Variants in GAS2 observed in about 807,000 individuals in gnomAD.
The protein encoded by GAS2 is growth arrest-specific protein 2.
GAS2 carries 20 observed loss-of-function variants against 37.5 expected under a neutral mutation model. The observed-to-expected ratio is 0.53, with a 90% CI of 0.37 to 0.77. The LOEUF (loss-of-function observed/expected upper bound fraction) is 0.77, where lower values mean the gene tolerates loss of function less well. Ranked by LOEUF, GAS2 falls within the 30% of genes least tolerant of loss-of-function variation. The pLI is 0.00. For missense variants in GAS2, 336 were observed against 373.4 expected (o/e 0.90, Z 0.82); for synonymous variants, 144 against 132.2 (o/e 1.09, Z -0.61).
chr11:22,760,331 A>G (rs1293328577), intron 7 of GAS2, among the ~76,000 whole-genome samples: 1 of 152,084 alleles, frequency 6.6e-6, no homozygotes, highest in Non-Finnish European at 1.5e-5. Flanking sequence ...CATCAGCATC[A>G]TTTGGAAACT....
At chr11:22,735,967 C>A (rs1203310818) in intron 4 of GAS2, among the ~76,000 whole-genome samples, 1 of 146,322 alleles carries the variant, frequency 6.8e-6, no homozygotes. Context: ...TTCTCCCACT[C>A]AAAACTCCTT....
chr11:22,709,148 A>G (rs440991), intron 3 of GAS2, among the ~76,000 whole-genome samples: 27,622 of 151,954 alleles, frequency 0.18, 2,713 homozygotes, highest in East Asian at 0.37. Flanking sequence ...CAAATTTTCC[A>G]TTTGAAAACC....
chr11:22,749,613 A>G (rs928405394), intron 6 of GAS2, among the ~76,000 whole-genome samples: 3 of 152,072 alleles, frequency 2.0e-5, no homozygotes, highest in African/African-American at 7.2e-5. Context: ...GAGGATTGTT[A>G]AAGAAGGGAA....
At chr11:22,718,212 C>G (rs1249029049) in intron 3 of GAS2, among the ~76,000 whole-genome samples, 1 of 151,698 alleles carries the variant, frequency 6.6e-6, no homozygotes, top group African/African-American at 2.4e-5. Context: ...AAATATGGAA[C>G]CAGCCTAAAT....
intron 7 of GAS2, among the ~76,000 whole-genome samples, chr11:22,779,387 T>A (rs1300404757): frequency 6.6e-6 from 1 of 152,176 alleles, no homozygotes; most frequent in Non-Finnish European, 1.5e-5. Flanking sequence ...TTGTTTCTTG[T>A]TCAAGGGCCT....
chr11:22,736,575 C>T (rs759361237), intron 4 of GAS2, among the ~76,000 whole-genome samples: 24 of 151,984 alleles, frequency 1.6e-4, no homozygotes, highest in Admixed American at 1.0e-3. Flanking sequence ...TACACACACC[C>T]AGCAAATTCC....
At chr11:22,699,602 G>A (rs1218951408) in intron 3 of GAS2, among the ~76,000 whole-genome samples, 2 of 152,000 alleles carry the variant, frequency 1.3e-5, no homozygotes, top group Non-Finnish European at 1.5e-5. Flanking sequence ...TTTTAGAGAG[G>A]GCAGCTGAAC....
upstream of GAS2, among the ~76,000 whole-genome samples, chr11:22,665,339 T>G (rs1036321733): frequency 1.3e-5 from 2 of 152,186 alleles, no homozygotes; most frequent in African/African-American, 2.4e-5. Flanking sequence ...GAACATTTGA[T>G]TTTTTACTAA....
At chr11:22,775,379 T>C (rs112905715) in intron 7 of GAS2, among the ~76,000 whole-genome samples, 9 of 152,182 alleles carry the variant, frequency 5.9e-5, no homozygotes, top group African/African-American at 1.4e-4. Context: ...TGTGTGAGGC[T>C]ATCTTGTGTC....
chr11:22,744,569 T>C (rs1308644349), intron 5 of GAS2, among the ~76,000 whole-genome samples: 3 of 151,974 alleles, frequency 2.0e-5, no homozygotes, highest in South Asian at 2.1e-4. Flanking sequence ...CTGATAGATA[T>C]TGAAAAAACT....
At chr11:22,783,611 C>A (rs1217488130) in intron 7 of GAS2, among the ~76,000 whole-genome samples, 1 of 152,134 alleles carries the variant, frequency 6.6e-6, no homozygotes, top group Non-Finnish European at 1.5e-5. Context: ...TGTACAACTG[C>A]ATAGGGCCTC....
intron 7 of GAS2, among the ~76,000 whole-genome samples, chr11:22,807,717 C>T (rs1856965066): frequency 6.6e-6 from 1 of 152,124 alleles, no homozygotes; most frequent in Admixed American, 6.5e-5. Flanking sequence ...GGAGATCAGT[C>T]CCAAATCCAT....
rs572382302 is a variant in GAS2, at chr11:22,656,563, T to G, written c.-20-18287T>G. On this transcript the variant is annotated intron_variant, in intron 1 of 5. Coordinates refer to the GAS2 transcript ENST00000528582. Reference sequence around the variant, plus strand: ...AGAATTACTGGAGCTTAAGAAAAACTTAAAAGCATCTAGAAGTAAACAGTT... The same window carrying G: ...AGAATTACTGGAGCTTAAGAAAAACGTAAAAGCATCTAGAAGTAAACAGTT... Among the ~76,000 whole-genome samples the G allele has an allele frequency of 3.3e-5, 5 of 152,300 alleles. No individual in the cohort carries two copies. In the South Asian group the frequency reaches 1.0e-3, roughly 32 times the overall value.
rs193136527 is a variant in GAS2 at position 22,780,591 on chromosome 11, T to G, written c.723+24638T>G. Reference sequence around the variant, plus strand: ...AAAAAAAAAAAGATTGTAAGATTTTTCTATTAGTAGCAGAAACCAATCAAG... The same window carrying G: ...AAAAAAAAAAAGATTGTAAGATTTTGCTATTAGTAGCAGAAACCAATCAAG... On this transcript the variant is annotated intron_variant, in intron 7 of 7. Transcript: ENST00000454584. 5.7e-3 allele frequency among the ~76,000 whole-genome samples: 865 copies of G among 151,592 alleles called. 22 individuals carry two copies. Among genetic ancestry groups the G allele is most frequent in the Admixed American group, 0.05 (760 of 15,178 alleles).
chr11:22,706,456 G>T (rs1384830976), intron 3 of GAS2, among the ~76,000 whole-genome samples: 1 of 152,020 alleles, frequency 6.6e-6, no homozygotes, highest in African/African-American at 2.4e-5. Context: ...CTAGCATTAG[G>T]TATATCTCCC....
intron 5 of GAS2, among the ~76,000 whole-genome samples, chr11:22,746,261 T>C (rs888472668): frequency 6.6e-6 from 1 of 152,158 alleles, no homozygotes; most frequent in Non-Finnish European, 1.5e-5. Flanking sequence ...TATACACTGT[T>C]GGTGGGAATG....
At chr11:22,699,642 T>C (rs115842970) in intron 3 of GAS2, among the ~76,000 whole-genome samples, 16 of 152,262 alleles carry the variant, frequency 1.1e-4, no homozygotes, top group African/African-American at 3.6e-4. Context: ...TACTCAGTAG[T>C]CATACTACCT....
At chr11:22,805,516 C>T (rs190403696) in intron 7 of GAS2, among the ~76,000 whole-genome samples, 1 of 152,190 alleles carries the variant, frequency 6.6e-6, no homozygotes, top group Admixed American at 6.5e-5. Flanking sequence ...TTGACTAACA[C>T]CTTCCTATCA....
chr11:22,716,212 A>G (rs1851670775), intron 3 of GAS2, among the ~76,000 whole-genome samples: 1 of 152,210 alleles, frequency 6.6e-6, no homozygotes, highest in Non-Finnish European at 1.5e-5. Flanking sequence ...AAAGCCATCT[A>G]TGACAAACAT....
Sources: allele counts gnomAD v4.1 joint callset (sites outside exome capture counted in the v4.1 genomes callset), GRCh38; gene constraint gnomAD v4.1.1; transcripts MANE v1.5; gene names NCBI Gene and HGNC (gene_info 2026-07-23, HGNC 2026-07-21).